Variants in PARN observed in about 807,000 individuals in gnomAD.
PARN encodes the protein poly(A)-specific ribonuclease PARN.
Under a neutral mutation model 102.8 loss-of-function variants are expected in PARN, and 71 were observed. The observed-to-expected ratio is 0.69, with a 90% CI of 0.57 to 0.84. The LOEUF is 0.84. PARN is among the 40% of genes least tolerant of loss of function. The probability of loss-of-function intolerance (pLI) is 0.00; values close to 1 mark genes in which losing one functional copy is unlikely to be tolerated. For missense variants in PARN, 782 were observed against 760.9 expected (o/e 1.03, Z -0.33); for synonymous variants, 261 against 252.9 (o/e 1.03, Z -0.30).
chr16:14,537,810 T>C (rs1349087992), intron 21 of PARN, among the ~76,000 whole-genome samples: 4 of 152,120 alleles, frequency 2.6e-5, no homozygotes, highest in African/African-American at 7.2e-5. Context: ...GAGACGCTGG[T>C]TAATGCCTAC....
intron 18 of PARN, among the ~76,000 whole-genome samples, chr16:14,575,072 CAGA>C (rs770142211): frequency 4.6e-5 from 7 of 152,202 alleles, no homozygotes; most frequent in African/African-American, 7.2e-5. Flanking sequence ...ACCTAGATTT[CAGA>C]AGATGTATGG....
chr16:14,580,554 T>G (rs572136476), intron 18 of PARN, among the ~76,000 whole-genome samples: 55 of 152,216 alleles, frequency 3.6e-4, no homozygotes, highest in Admixed American at 3.1e-3. Flanking sequence ...CCCAAAGTGC[T>G]GGGATTACAG....
At chr16:14,436,982 C>G (rs1278605876) in intron 23 of PARN, among the ~76,000 whole-genome samples, 1 of 152,206 alleles carries the variant, frequency 6.6e-6, no homozygotes, top group African/African-American at 2.4e-5. Context: ...ACAGAAACAT[C>G]ATGGGGGCGC....
chr16:14,453,416 G>C (rs1292415904), intron 22 of PARN, among the ~76,000 whole-genome samples: 1 of 152,146 alleles, frequency 6.6e-6, no homozygotes, highest in African/African-American at 2.4e-5. Flanking sequence ...CAAAAATCTA[G>C]CTGCTACATG....
chr16:14,602,474 A>G (rs1358900571), intron 11 of PARN, among the ~76,000 whole-genome samples: 1 of 152,134 alleles, frequency 6.6e-6, no homozygotes, highest in Non-Finnish European at 1.5e-5. Flanking sequence ...CCACCCTTGC[A>G]TGTCCTAAAA....
intron 21 of PARN, among the ~76,000 whole-genome samples, chr16:14,537,706 T>C (rs1365603031): frequency 3.3e-5 from 5 of 152,072 alleles, no homozygotes. Context: ...CATGTTCTGA[T>C]TCGTATGTGG....
Position 14,520,691 on chromosome 16 carries a change from C to T in PARN, c.1480+31330G>A, listed in dbSNP as rs542402420. 5.4e-5 allele frequency among the ~76,000 whole-genome samples: 8 copies of T among 148,558 alleles called. 1 individual carries two copies. In the South Asian group the frequency reaches 1.7e-3, roughly 32 times the overall value. On this transcript the variant is annotated intron_variant, in intron 21 of 23. Coordinates refer to ENST00000437198, the MANE Select transcript of PARN (RefSeq NM_002582.4). ...TCCAGACTGGGTGATGGGAGTGAAA[C>T]CCTGTCTCAAAAAAAAAAAAATCTG... is the stretch of plus-strand genomic sequence containing the variant.
Position 14,446,966 on chromosome 16 carries a change from A to G in PARN, c.1786T>C (p.Ser596Pro), listed in dbSNP as rs1171075851. 1 of 1,613,742 alleles carries G rather than the reference A, an allele frequency of 6.2e-7. No homozygotes were observed. The highest frequency in any genetic ancestry group is 2.2e-5 in the East Asian group (1 of 44,880). Residue 596 changes from serine to proline, a missense_variant, in exon 23 of 24, where the codon TCC becomes CCC. Transcript: ENST00000437198. ...ISDTELEQTDSCAEPLSEGRK... is the reference protein window; with the variant it reads ...ISDTELEQTDPCAEPLSEGRK... ...CCCTCTGAGAGGGGCTCTGCACAGG[A>G]ATCGGTCTGCTCAAGCTCAGTGTCG...
At chr16:14,617,255 G>A (rs1010646048) in intron 6 of PARN, among the ~76,000 whole-genome samples, 9 of 151,310 alleles carry the variant, frequency 5.9e-5, no homozygotes, top group Admixed American at 5.3e-4. Flanking sequence ...GTGGTGGCGG[G>A]CACCTGTAGT....
chr16:14,531,046 C>T (rs996339322), intron 21 of PARN, among the ~76,000 whole-genome samples: 2 of 152,106 alleles, frequency 1.3e-5, no homozygotes, highest in African/African-American at 2.4e-5. Context: ...GTGGAAACAA[C>T]AGCTTACATT....
chr16:14,556,262 G>A (rs1392580381), intron 18 of PARN, among the ~76,000 whole-genome samples: 3 of 151,986 alleles, frequency 2.0e-5, no homozygotes, highest in Non-Finnish European at 4.4e-5. Context: ...AGGTTCCAGC[G>A]ATTCACCCGC....
chr16:14,623,804 T>G (rs1484316450), intron 5 of PARN, among the ~76,000 whole-genome samples: 1 of 147,122 alleles, frequency 6.8e-6, no homozygotes, highest in Non-Finnish European at 1.5e-5. Context: ...ACCACTGCAC[T>G]CCAGCCTGGG....
At chr16:14,629,464 A>G in intron 2 of PARN, 133 bp downstream of exon 2, 1 of 679,478 alleles carries the variant, frequency 1.5e-6, no homozygotes. Flanking sequence ...TAACACTGAG[A>G]CCTGTGAAAC....
rs572340481 is a variant in PARN at position 14,625,762 on chromosome 16, AC to A, written c.327+1343del. 7.9e-5 allele frequency among the ~76,000 whole-genome samples: 12 copies of A among 152,288 alleles called. No homozygotes were observed. In the South Asian group the frequency reaches 2.5e-3, roughly 32 times the overall value. Reference sequence around the variant, plus strand: ...GACATAACTCAATCACTTGAAGCCTACCCTCGAGGCTTTCATAACTGCATTA... The same window carrying A: ...GACATAACTCAATCACTTGAAGCCTACCTCGAGGCTTTCATAACTGCATTA... On this transcript the variant is annotated intron_variant, in intron 5 of 23. Transcript: ENST00000437198.
chr16:14,554,614 T>C (rs574144756), intron 19 of PARN, among the ~76,000 whole-genome samples: 2 of 151,920 alleles, frequency 1.3e-5, no homozygotes, highest in East Asian at 3.9e-4. Flanking sequence ...TATTTTTTAA[T>C]TTTATTTTTG....
intron 6 of PARN, among the ~76,000 whole-genome samples, chr16:14,615,966 GAGAAT>G (rs1247223186): frequency 6.6e-6 from 1 of 151,294 alleles, no homozygotes; most frequent in Non-Finnish European, 1.5e-5. Flanking sequence ...AGGTTCTGCT[GAGAAT>G]AGGAGAATTC....
At chr16:14,472,239 T>C (rs1295522196) in intron 22 of PARN, among the ~76,000 whole-genome samples, 1 of 152,258 alleles carries the variant, frequency 6.6e-6, no homozygotes, top group Non-Finnish European at 1.5e-5. Context: ...TTAATCATTC[T>C]ATTTTATTAG....
chr16:14,624,921 A>G (rs1228402362), intron 5 of PARN, among the ~76,000 whole-genome samples: 2 of 152,052 alleles, frequency 1.3e-5, no homozygotes, highest in Non-Finnish European at 2.9e-5. Flanking sequence ...GTGATGGTGC[A>G]TGCCTGTAAT....
chr16:14,458,424 A>G (rs1337214534), intron 22 of PARN, among the ~76,000 whole-genome samples: 1 of 152,206 alleles, frequency 6.6e-6, no homozygotes, highest in African/African-American at 2.4e-5. Context: ...TACTTTTTAA[A>G]AATTTCCAGG....
Sources: gnomAD v4.1 joint callset for allele counts (sites outside exome capture counted in the v4.1 genomes callset) on GRCh38, gnomAD v4.1.1 for gene constraint, MANE v1.5 for transcripts, NCBI Gene and HGNC (gene_info 2026-07-23, HGNC 2026-07-21) for gene names.